TRPS1: variants seen among roughly 807,000 people sequenced by gnomAD.
TRPS1 encodes the protein zinc finger transcription factor Trps1.
In TRPS1, 6 loss-of-function variants were observed where a neutral mutation model predicts 101.2. That is an observed-to-expected ratio of 0.06 (90% CI 0.03 to 0.12). The LOEUF (loss-of-function observed/expected upper bound fraction) is 0.12. Ranked by LOEUF, TRPS1 falls within the 10% of genes least tolerant of loss-of-function variation. TRPS1 has a pLI of 1.00. For missense variants in TRPS1, 1,363 were observed against 1,567.0 expected (o/e 0.87, Z 2.20); for synonymous variants, 578 against 589.8 (o/e 0.98, Z 0.29).
intron 1 of TRPS1, 195 bp downstream of exon 1, chr8:115,668,350 T>G (rs1811981035): frequency 6.8e-6 from 1 of 146,196 alleles, no homozygotes; most frequent in South Asian, 2.2e-4. Context: ...GCTTTTTTTT[T>G]TTTTTTTTTT....
rs909021033 is a variant in TRPS1, at chr8:115,555,446, C to T, written c.2700+31555G>A. On this transcript the variant is annotated intron_variant, in intron 5 of 6. Transcript: ENST00000395715. ...ACCTAACAGTTTTTCCGAACACTTC[C>T]AATATGTTATGAAACATTAATGACC... 4.5e-4 allele frequency among the ~76,000 whole-genome samples: 68 copies of T among 151,936 alleles called. 1 individual carries two copies. Among genetic ancestry groups the T allele is most frequent in the African/African-American group, 1.6e-3 (67 of 41,370 alleles).
intron 5 of TRPS1, among the ~76,000 whole-genome samples, chr8:115,525,094 C>T (rs1329255680): frequency 6.6e-6 from 1 of 152,054 alleles, no homozygotes; most frequent in African/African-American, 2.4e-5. Context: ...GCACCTGATG[C>T]ATTTTATTTG....
intron 5 of TRPS1, among the ~76,000 whole-genome samples, chr8:115,496,803 TA>T (rs1207235979): frequency 5.9e-5 from 9 of 152,214 alleles, no homozygotes; most frequent in Admixed American, 6.5e-5. Context: ...GATTAATATT[TA>T]TTACAACAGT....
chr8:115,439,755 C>T (rs1043449088), intron 5 of TRPS1, among the ~76,000 whole-genome samples: 1 of 152,152 alleles, frequency 6.6e-6, no homozygotes, highest in Admixed American at 6.6e-5. Flanking sequence ...AAGAACATCA[C>T]CCTAACTTCC....
intron 5 of TRPS1, among the ~76,000 whole-genome samples, chr8:115,544,729 C>T (rs1249874790): frequency 1.3e-5 from 2 of 152,100 alleles, no homozygotes; most frequent in Non-Finnish European, 2.9e-5. Flanking sequence ...CGTTAACACC[C>T]TTTCATTAAT....
intron 5 of TRPS1, among the ~76,000 whole-genome samples, chr8:115,428,562 T>C (rs1379008625): frequency 6.6e-6 from 1 of 152,216 alleles, no homozygotes; most frequent in Non-Finnish European, 1.5e-5. Flanking sequence ...ATGAGTTAAA[T>C]ATACAGAGGT....
At chr8:115,422,461 G>T (rs987945002) in intron 5 of TRPS1, among the ~76,000 whole-genome samples, 16 of 152,146 alleles carry the variant, frequency 1.1e-4, no homozygotes, top group Admixed American at 4.6e-4. Context: ...CCGCCTCCCG[G>T]GTTCAAGTGA....
intron 5 of TRPS1, among the ~76,000 whole-genome samples, chr8:115,427,050 T>C (rs556742297): frequency 2.6e-5 from 4 of 152,026 alleles, no homozygotes; most frequent in South Asian, 2.1e-4. Context: ...GGTGGGAGGA[T>C]TGCTTGAGGC....
chr8:115,441,056 C>T (rs1195535508), intron 5 of TRPS1, among the ~76,000 whole-genome samples: 4 of 152,058 alleles, frequency 2.6e-5, no homozygotes, highest in Non-Finnish European at 4.4e-5. Context: ...TTGATATATC[C>T]AACCATCAAA....
At chr8:115,495,628 CA>C (rs1283173930) in intron 5 of TRPS1, among the ~76,000 whole-genome samples, 1 of 151,360 alleles carries the variant, frequency 6.6e-6, no homozygotes, top group Non-Finnish European at 1.5e-5. Context: ...AGGGTGACTG[CA>C]CATGAAAATA....
At chr8:115,562,876 CTGTGTG>C (rs10588354) in intron 5 of TRPS1, among the ~76,000 whole-genome samples, 4,056 of 132,616 alleles carry the variant, frequency 0.031, 143 homozygotes, top group African/African-American at 0.094. Flanking sequence ...CCCACAGTGT[CTGTGTG>C]TGTGTGTGTG....
chr8:115,459,376 T>C (rs1386257689), intron 5 of TRPS1, among the ~76,000 whole-genome samples: 1 of 151,980 alleles, frequency 6.6e-6, no homozygotes, highest in Admixed American at 6.6e-5. Flanking sequence ...TTTAACCAAG[T>C]CATATTTAAA....
At chr8:115,615,737 G>A (rs1390141970) in intron 3 of TRPS1, among the ~76,000 whole-genome samples, 1 of 151,910 alleles carries the variant, frequency 6.6e-6, no homozygotes, top group Non-Finnish European at 1.5e-5. Context: ...CTCCAGCCTG[G>A]GTGACAGAGT....
chr8:115,611,065 C>T (rs1455232125), intron 3 of TRPS1, among the ~76,000 whole-genome samples: 3 of 148,472 alleles, frequency 2.0e-5, no homozygotes, highest in Non-Finnish European at 4.4e-5. Context: ...TGCAGTGAGC[C>T]GAGACCATGC....
At chr8:115,446,186 C>T (rs1813730159) in intron 5 of TRPS1, among the ~76,000 whole-genome samples, 1 of 152,020 alleles carries the variant, frequency 6.6e-6, no homozygotes, top group Non-Finnish European at 1.5e-5. Context: ...AGGATGTTTC[C>T]AGCAGAAACA....
At chr8:115,596,831 CAT>C (rs1385509641) in intron 4 of TRPS1, among the ~76,000 whole-genome samples, 9 of 151,770 alleles carry the variant, frequency 5.9e-5, no homozygotes, top group Non-Finnish European at 1.2e-4. Context: ...ATATCATAAA[CAT>C]ATAACATGAA....
chr8:115,421,078 G>A (rs1013670322), intron 5 of TRPS1, among the ~76,000 whole-genome samples: 11 of 151,048 alleles, frequency 7.3e-5, no homozygotes, highest in African/African-American at 2.7e-4. Flanking sequence ...TCCACCTCCC[G>A]GGTTCAAGCA....
intron 1 of TRPS1, among the ~76,000 whole-genome samples, chr8:115,633,845 T>C (rs931372157): frequency 6.6e-6 from 1 of 152,162 alleles, no homozygotes; most frequent in African/African-American, 2.4e-5. Flanking sequence ...AGGTATCCCA[T>C]CTCACAAACA....
At chr8:115,596,221 T>C (rs895549589) in intron 4 of TRPS1, among the ~76,000 whole-genome samples, 1 of 151,922 alleles carries the variant, frequency 6.6e-6, no homozygotes, top group African/African-American at 2.4e-5. Context: ...AAAATATGTG[T>C]GTAGTTTTCC....
Sources: allele counts gnomAD v4.1 joint callset (sites outside exome capture counted in the v4.1 genomes callset), GRCh38; gene constraint gnomAD v4.1.1; transcripts MANE v1.5; gene names NCBI Gene and HGNC (gene_info 2026-07-23, HGNC 2026-07-21).